The following LRRTM4 variants were observed in gnomAD, a reference collection of about 807,000 sequenced individuals.
The protein encoded by LRRTM4 is leucine-rich repeat transmembrane neuronal protein 4.
In LRRTM4, 25 loss-of-function variants were observed where a neutral mutation model predicts 47.6. The ratio of observed to expected loss-of-function variants is 0.53; its 90% CI spans 0.38 to 0.73. The LOEUF (loss-of-function observed/expected upper bound fraction) is 0.73, where lower values mean the gene tolerates loss of function less well. LRRTM4 is among the 30% of genes least tolerant of loss of function. The probability of loss-of-function intolerance (pLI) is 0.00; values close to 1 mark genes in which losing one functional copy is unlikely to be tolerated. For missense variants in LRRTM4, 638 were observed against 713.4 expected (o/e 0.89, Z 1.20); for synonymous variants, 311 against 269.5 (o/e 1.15, Z -1.51).
At chr2:77,448,979 A>T (rs987401742) in intron 3 of LRRTM4, among the ~76,000 whole-genome samples, 2 of 152,204 alleles carry the variant, frequency 1.3e-5, no homozygotes, top group African/African-American at 4.8e-5. Context: ...GATCATAGGT[A>T]TATCAGAAGT....
At chr2:76,885,630 T>TA (rs1000118408) in intron 3 of LRRTM4, among the ~76,000 whole-genome samples, 5 of 151,916 alleles carry the variant, frequency 3.3e-5, no homozygotes, top group African/African-American at 1.2e-4. Context: ...CACGTCCGGC[T>TA]AATTGTTTGT....
intron 3 of LRRTM4, among the ~76,000 whole-genome samples, chr2:77,513,850 G>T (rs1256011434): frequency 6.6e-6 from 1 of 152,016 alleles, no homozygotes; most frequent in South Asian, 2.1e-4. Context: ...ACAGGCATGA[G>T]CCACTGCACC....
At chr2:77,407,669 A>AT (rs1168029662) in intron 3 of LRRTM4, among the ~76,000 whole-genome samples, 6,369 of 128,588 alleles carry the variant, frequency 0.05, 155 homozygotes, top group South Asian at 0.083. Context: ...TATATATAAT[A>AT]ATTATATAAT....
Position 76,841,365 on chromosome 2 carries a change from T to A in LRRTM4, c.1552-92449A>T, listed in dbSNP as rs1453486665. On this transcript the variant is annotated intron_variant, in intron 3 of 3. Coordinates refer to ENST00000409884, the MANE Select transcript of LRRTM4 (RefSeq NM_001134745.3). ...GGGTGCAGCACACCAACATGGCACA[T>A]GTATACATATGTAACAAGCCTGCAC... is the stretch of plus-strand genomic sequence containing the variant. Among the ~76,000 whole-genome samples, 6 of 151,962 alleles carry A rather than the reference T, an allele frequency of 3.9e-5. No individual in the cohort carries two copies. In the East Asian group the frequency reaches 1.2e-3, roughly 30 times the overall value.
At chr2:76,767,636 C>A (rs973026691) in intron 3 of LRRTM4, among the ~76,000 whole-genome samples, 2 of 152,152 alleles carry the variant, frequency 1.3e-5, no homozygotes, top group African/African-American at 4.8e-5. Flanking sequence ...GGGTAGCATT[C>A]AAGGCAAGTC....
chr2:77,087,316 T>A (rs1399742254), intron 3 of LRRTM4, among the ~76,000 whole-genome samples: 1 of 152,184 alleles, frequency 6.6e-6, no homozygotes, highest in Admixed American at 6.5e-5. Context: ...ATTTTACCTA[T>A]CTAGTCCTAG....
At chr2:77,313,263 A>G (rs1217995225) in intron 3 of LRRTM4, among the ~76,000 whole-genome samples, 87 of 96,826 alleles carry the variant, frequency 9.0e-4, no homozygotes, top group African/African-American at 2.2e-3. Context: ...CTTTTTCCTG[A>G]GGCCTGTTGC....
intron 3 of LRRTM4, among the ~76,000 whole-genome samples, chr2:77,292,567 A>C (rs1430944759): frequency 6.6e-6 from 1 of 151,924 alleles, no homozygotes; most frequent in Non-Finnish European, 1.5e-5. Context: ...TGAAATTGGA[A>C]ATCATCATTC....
intron 3 of LRRTM4, among the ~76,000 whole-genome samples, chr2:76,896,573 T>C (rs1489456656): frequency 6.6e-6 from 1 of 152,016 alleles, no homozygotes; most frequent in African/African-American, 2.4e-5. Flanking sequence ...AAAGTTTATA[T>C]GGTTCAAAGT....
chr2:77,189,438 A>C (rs866467680), intron 3 of LRRTM4, among the ~76,000 whole-genome samples: 38 of 152,236 alleles, frequency 2.5e-4, no homozygotes, highest in African/African-American at 8.7e-4. Context: ...CCTAACCCCA[A>C]TGTGATGTTA....
intron 3 of LRRTM4, among the ~76,000 whole-genome samples, chr2:76,775,927 TC>T (rs1673962122): frequency 8.9e-6 from 1 of 112,810 alleles, no homozygotes; most frequent in Admixed American, 1.2e-4. Context: ...CCCACAACAG[TC>T]CCCAGAGTGT....
At chr2:77,021,333 A>G (rs1265467673) in intron 3 of LRRTM4, among the ~76,000 whole-genome samples, 1 of 152,134 alleles carries the variant, frequency 6.6e-6, no homozygotes, top group Non-Finnish European at 1.5e-5. Flanking sequence ...GAGGAGGGAC[A>G]TGCATCAGTG....
intron 3 of LRRTM4, among the ~76,000 whole-genome samples, chr2:77,208,134 C>T (rs1467690119): frequency 6.6e-6 from 1 of 152,004 alleles, no homozygotes; most frequent in Non-Finnish European, 1.5e-5. Context: ...CCACCTTGGC[C>T]TCCCAAAGTG....
intron 3 of LRRTM4, among the ~76,000 whole-genome samples, chr2:77,245,517 C>CAAA (rs770133274): frequency 9.2e-4 from 79 of 85,754 alleles, no homozygotes; most frequent in Middle Eastern, 6.5e-3. Flanking sequence ...GACACTGCCT[C>CAAA]AAAAAAAAAA....
At chr2:77,112,420 C>T (rs1303989719) in intron 3 of LRRTM4, among the ~76,000 whole-genome samples, 1 of 152,046 alleles carries the variant, frequency 6.6e-6, no homozygotes. Context: ...TTTAAAATGA[C>T]CATTTTAATA....
intron 3 of LRRTM4, among the ~76,000 whole-genome samples, chr2:76,955,692 T>C (rs1675648892): frequency 6.6e-6 from 1 of 151,750 alleles, no homozygotes; most frequent in Non-Finnish European, 1.5e-5. Context: ...ATGGAATTAA[T>C]GACCACCTAA....
intron 3 of LRRTM4, among the ~76,000 whole-genome samples, chr2:77,207,151 T>G (rs1674149154): frequency 6.8e-6 from 1 of 146,110 alleles, no homozygotes; most frequent in African/African-American, 2.5e-5. Flanking sequence ...TTTATATATA[T>G]ATATATATAT....
chr2:77,136,278 G>A (rs1382087522), intron 3 of LRRTM4, among the ~76,000 whole-genome samples: 2 of 152,160 alleles, frequency 1.3e-5, no homozygotes, highest in Non-Finnish European at 2.9e-5. Context: ...CTGAGACAAA[G>A]CTTCCAGAAG....
intron 3 of LRRTM4, among the ~76,000 whole-genome samples, chr2:77,324,788 A>T (rs1438155055): frequency 6.6e-6 from 1 of 152,138 alleles, no homozygotes; most frequent in African/African-American, 2.4e-5. Flanking sequence ...GTCACTGACT[A>T]TTTTGTGAAG....
Sources: allele counts gnomAD v4.1 joint callset (sites outside exome capture counted in the v4.1 genomes callset), GRCh38; gene constraint gnomAD v4.1.1; transcripts MANE v1.5; gene names NCBI Gene and HGNC (gene_info 2026-07-23, HGNC 2026-07-21).